Variants in GALNT18 observed in about 807,000 individuals in gnomAD.
The protein encoded by GALNT18 is GalNAc-transferase 18.
A neutral mutation model predicts 69.5 loss-of-function variants in GALNT18; 44 were observed. The observed-to-expected ratio is 0.63, with a 90% CI of 0.50 to 0.81. GALNT18 has a LOEUF of 0.81. Among genes scored for constraint, GALNT18 ranks in the 40% least tolerant of loss-of-function variants. The pLI is 0.00. For missense variants in GALNT18, 715 were observed against 810.0 expected (o/e 0.88, Z 1.42); for synonymous variants, 364 against 318.2 (o/e 1.14, Z -1.53).
intron 1 of GALNT18, among the ~76,000 whole-genome samples, chr11:11,611,641 A>G (rs1168052282): frequency 3.9e-5 from 6 of 152,176 alleles, no homozygotes; most frequent in Non-Finnish European, 8.8e-5. Flanking sequence ...GGGAAAGTGT[A>G]AGGCACATCA....
intron 1 of GALNT18, among the ~76,000 whole-genome samples, chr11:11,556,472 T>C (rs1424202866): frequency 6.6e-6 from 1 of 152,200 alleles, no homozygotes; most frequent in Non-Finnish European, 1.5e-5. Flanking sequence ...AAAAAGTGAG[T>C]TCGTCTCACT....
chr11:11,548,750 T>C (rs762990362), intron 1 of GALNT18, among the ~76,000 whole-genome samples: 2 of 152,250 alleles, frequency 1.3e-5, no homozygotes, highest in Admixed American at 6.5e-5. Flanking sequence ...TTTTGCAGGC[T>C]AAAAGTTTCT....
At position 11,436,821 on chromosome 11, in the gene GALNT18, C is replaced by A. The variant is rs556148505; in HGVS notation, c.429-4034G>T. On this transcript the variant is annotated intron_variant, in intron 2 of 10. Coordinates refer to ENST00000227756, the MANE Select transcript of GALNT18 (RefSeq NM_198516.3). This position sits in a 1 kb window ranked among gnomAD's most constrained non-coding sequence, Gnocchi z 4.5. Reference sequence around the variant, plus strand: ...GGGCTTTGTGCTGTAGTCCAAGTCACCTTGAAAAGAACACGCCTCCAAGAG... The same window carrying A: ...GGGCTTTGTGCTGTAGTCCAAGTCAACTTGAAAAGAACACGCCTCCAAGAG... Among the ~76,000 whole-genome samples the A allele has an allele frequency of 6.6e-6, 1 of 152,332 alleles. No individual in the cohort carries two copies. The highest frequency in any genetic ancestry group is 1.9e-4 in the East Asian group (1 of 5,188).
At chr11:11,352,243 C>T (rs755055552) in intron 6 of GALNT18, 5 of 1,614,068 alleles carry the variant, frequency 3.1e-6, no homozygotes, top group Non-Finnish European at 3.4e-6. Context: ...TCAGGGCTGA[C>T]AAGGTGCTGA....
chr11:11,351,480 A>G (rs994177821), intron 6 of GALNT18, among the ~76,000 whole-genome samples: 10 of 152,146 alleles, frequency 6.6e-5, no homozygotes, highest in South Asian at 2.1e-4. Flanking sequence ...GGGACACAAA[A>G]TCTAGAAGGA....
Position 11,573,011 on chromosome 11 carries a change from C to T in GALNT18, c.235+48348G>A, listed in dbSNP as rs1441267179. Reference sequence around the variant, plus strand: ...ACTTCTCTTAGTCCTCACAGTAGTCCCATGAAGGAGGACGTTATCTTAGCC... The same window carrying T: ...ACTTCTCTTAGTCCTCACAGTAGTCTCATGAAGGAGGACGTTATCTTAGCC... On this transcript the variant is annotated intron_variant, in intron 1 of 10. Coordinates refer to ENST00000227756, the MANE Select transcript of GALNT18 (RefSeq NM_198516.3). This position sits in a 1 kb window ranked among gnomAD's most constrained non-coding sequence, Gnocchi z 4.6. Among the ~76,000 whole-genome samples the T allele has an allele frequency of 6.6e-6, 1 of 152,140 alleles. No individual in the cohort carries two copies. Among genetic ancestry groups the T allele is most frequent in the Non-Finnish European group, 1.5e-5 (1 of 68,036 alleles).
chr11:11,457,689 T>G (rs1855954183), intron 1 of GALNT18, among the ~76,000 whole-genome samples: 1 of 152,208 alleles, frequency 6.6e-6, no homozygotes, highest in Admixed American at 6.5e-5. Flanking sequence ...CTCTGCTTCT[T>G]GTCCCTCGGT....
At position 11,297,182 on chromosome 11, in the gene GALNT18, C is replaced by A. The variant is rs539750626; in HGVS notation, c.1513-3989G>T. Among the ~76,000 whole-genome samples, 4 of 152,092 alleles carry A rather than the reference C, an allele frequency of 2.6e-5. No individual in the cohort carries two copies. The South Asian group carries it at 8.3e-4, about 32-fold the overall frequency. Reference sequence around the variant, plus strand: ...AACATCCTAAGTGCACAGGACAGCCCCCCACAGCAAAGAATTATCTAGCCA... The same window carrying A: ...AACATCCTAAGTGCACAGGACAGCCACCCACAGCAAAGAATTATCTAGCCA... On this transcript the variant is annotated intron_variant, in intron 9 of 10. Coordinates refer to ENST00000227756, the MANE Select transcript of GALNT18 (RefSeq NM_198516.3).
At chr11:11,312,692 A>C (rs1279181970) in intron 9 of GALNT18, among the ~76,000 whole-genome samples, 2 of 152,224 alleles carry the variant, frequency 1.3e-5, no homozygotes, top group Non-Finnish European at 2.9e-5. Context: ...TACAGAAGAA[A>C]AAACAGGCTT....
chr11:11,565,315 G>T (rs1858618280), intron 1 of GALNT18, among the ~76,000 whole-genome samples: 3 of 152,192 alleles, frequency 2.0e-5, no homozygotes. Context: ...ATCACCAAAT[G>T]ATTACCACAG....
At position 11,616,617 on chromosome 11, in the gene GALNT18, T is replaced by G. The variant is rs183152911; in HGVS notation, c.235+4742A>C. Among the ~76,000 whole-genome samples, 248 of 152,350 alleles carry G rather than the reference T, an allele frequency of 1.6e-3. 1 individual carries two copies. Among genetic ancestry groups the G allele is most frequent in the African/African-American group, 5.7e-3 (238 of 41,590 alleles). ...TTAAAAATACAGTAAAAGTTCTCTTTAGAAACTCTCCATTTAATCAATTCT... is the reference window on the plus strand; with the variant it reads ...TTAAAAATACAGTAAAAGTTCTCTTGAGAAACTCTCCATTTAATCAATTCT... On this transcript the variant is annotated intron_variant, in intron 1 of 10. Coordinates refer to ENST00000227756, the MANE Select transcript of GALNT18 (RefSeq NM_198516.3). This position sits in a 1 kb window ranked among gnomAD's most constrained non-coding sequence, Gnocchi z 4.4.
rs1205741197 is a variant in GALNT18, at chr11:11,618,880, G to A, written c.235+2479C>T. ...CCAGTTCAGCAAAGTAAACTGGATT[G>A]TTCAAAGGGCTATGCTGACTAGAGG... On this transcript the variant is annotated intron_variant, in intron 1 of 10. Coordinates refer to ENST00000227756, the MANE Select transcript of GALNT18 (RefSeq NM_198516.3). This position sits in a 1 kb window ranked among gnomAD's most constrained non-coding sequence, Gnocchi z 6.1. Among the ~76,000 whole-genome samples, 1 of 152,140 alleles carries A rather than the reference G, an allele frequency of 6.6e-6. No individual in the cohort carries two copies. The highest frequency in any genetic ancestry group is 2.4e-5 in the African/African-American group (1 of 41,428).
chr11:11,448,767 G>A lies in GALNT18; in HGVS notation c.405C>T (p.Pro135=), dbSNP rs775998166. 6.2e-7 allele frequency: 1 copy of A among 1,612,520 alleles called. No homozygotes were observed. Among genetic ancestry groups the A allele is most frequent in the South Asian group, 1.1e-5 (1 of 90,878 alleles). The change falls in exon 2 of 11, where the codon CCC becomes CCT. Residue 135 remains proline, a synonymous_variant. Transcript: ENST00000227756. ...ACCCACTGGGTCTGAGGTCAGGCAGGGGCCGGTCCAGGGGCAGGCGGTCGC... is the reference window on the plus strand; with the variant it reads ...ACCCACTGGGTCTGAGGTCAGGCAGAGGCCGGTCCAGGGGCAGGCGGTCGC... The part of the protein sequence containing the change: ...YLSDRLPLDR[P]LPDLRPSGCR...
intron 7 of GALNT18, among the ~76,000 whole-genome samples, chr11:11,335,838 T>C (rs1850101636): frequency 6.6e-6 from 1 of 152,144 alleles, no homozygotes; most frequent in South Asian, 2.1e-4. Flanking sequence ...CACCAGAAGC[T>C]GGCTGAGGCA....
chr11:11,621,411 C>G lies in GALNT18; in HGVS notation c.183G>C (p.Lys61Asn). The stretch of plus-strand genomic sequence containing the variant: ...CCAGGTGGTCCAGCCGCTCAATAAT[C>G]TTCAGAGTGTCCCCTTTGTCTTCCT... ...KLEEDKGDTL[K>N]IIERLDHLEN... The change falls in exon 1 of 11, where the codon AAG (lysine) becomes AAC (asparagine). Residue 61 changes from lysine to asparagine, a missense_variant. Physicochemically the swap from Lys to Asn is moderately conservative, Grantham distance 94. Coordinates refer to ENST00000227756, the MANE Select transcript of GALNT18 (RefSeq NM_198516.3). The surrounding 1 kb of genome is among the most constrained non-coding windows in gnomAD (Gnocchi z 9.3). 6.2e-7 allele frequency: 1 copy of G among 1,614,140 alleles called. No homozygotes were observed. Among genetic ancestry groups the G allele is most frequent in the African/African-American group, 1.3e-5 (1 of 75,054 alleles).
At chr11:11,330,542 G>T (rs1037099348) in intron 8 of GALNT18, among the ~76,000 whole-genome samples, 1 of 152,200 alleles carries the variant, frequency 6.6e-6, no homozygotes, top group Non-Finnish European at 1.5e-5. Context: ...GTGGGCTGAT[G>T]AATGTGTAGG....
At chr11:11,366,800 C>T (rs1307683057) in intron 6 of GALNT18, among the ~76,000 whole-genome samples, 1 of 152,164 alleles carries the variant, frequency 6.6e-6, no homozygotes, top group Admixed American at 6.5e-5. Flanking sequence ...TTGCTTCTTT[C>T]ATCCCTCATG....
chr11:11,292,333 A>G (rs1249127001), intron 10 of GALNT18, among the ~76,000 whole-genome samples: 3 of 152,116 alleles, frequency 2.0e-5, no homozygotes, highest in Admixed American at 2.0e-4. Context: ...CCTCAAAGCT[A>G]GGCATCTAGA....
intron 1 of GALNT18, among the ~76,000 whole-genome samples, chr11:11,486,078 T>G (rs1365949001): frequency 6.6e-6 from 1 of 152,122 alleles, no homozygotes. Context: ...TGGGAGTGCG[T>G]GGGAATCTAC....
Sources: gnomAD v4.1 joint callset for allele counts (sites outside exome capture counted in the v4.1 genomes callset) on GRCh38, gnomAD v4.1.1 for gene constraint, Gnocchi (gnomAD v3.1) non-coding constraint, MANE v1.5 for transcripts, NCBI Gene and HGNC (gene_info 2026-07-23, HGNC 2026-07-21) for gene names.